Variants in DMC1 observed in about 807,000 individuals in gnomAD.
The protein encoded by DMC1 is DNA meiotic recombinase 1.
DMC1 carries 27 observed loss-of-function variants against 50.1 expected under a neutral mutation model. The observed-to-expected ratio is 0.54, with a 90% CI of 0.40 to 0.74. The LOEUF is 0.74. Ranked by LOEUF, DMC1 falls within the 30% of genes least tolerant of loss-of-function variation. The pLI is 0.00. For synonymous variants in DMC1, 148 were observed against 136.1 expected (o/e 1.09, Z -0.61); for missense variants, 295 against 420.2 (o/e 0.70, Z 2.60).
At chr22:38,557,258 C>T (rs1246142698) in intron 5 of DMC1, among the ~76,000 whole-genome samples, 2 of 152,106 alleles carry the variant, frequency 1.3e-5, no homozygotes, top group African/African-American at 4.8e-5. Flanking sequence ...CCAAAATTTA[C>T]CTGTGAGGAT....
rs1214649852 is a variant in DMC1 at position 38,552,655 on chromosome 22, T to C, written c.421+11A>G. 20 of 1,554,678 alleles carry C rather than the reference T, an allele frequency of 1.3e-5. No individual in the cohort carries two copies. The highest frequency in any genetic ancestry group is 1.8e-5 in the Non-Finnish European group (20 of 1,126,388). ...ATGATTATTATTGTTATTGTTGTTATATATCCTTACCACAGAGGGTATGAG... is the reference window on the plus strand; with the variant it reads ...ATGATTATTATTGTTATTGTTGTTACATATCCTTACCACAGAGGGTATGAG... On this transcript the variant is annotated intron_variant, in intron 7 of 13. Transcript: ENST00000216024.
chr22:38,537,629 T>C lies in DMC1; in HGVS notation c.799A>G (p.Thr267Ala). ...SEEYNVAVFV[T>A]NQMTADPGAT... is the part of the protein sequence containing the mutation. ...CCTGGATCGGCAGTCATTTGATTGG[T>C]CACAAAAACAGCCACGTTATATTCT... The change falls in exon 12 of 14, where the codon ACC becomes GCC. Residue 267 changes from threonine (T) to alanine (A), a missense_variant. By Grantham distance (58) the Thr-to-Ala change is moderately conservative. Coordinates refer to ENST00000216024, the MANE Select transcript of DMC1 (RefSeq NM_007068.4). 1 of 1,614,030 alleles carries C rather than the reference T, an allele frequency of 6.2e-7. No individual in the cohort carries two copies. The highest frequency in any genetic ancestry group is 8.5e-7 in the Non-Finnish European group (1 of 1,179,934).
chr22:38,509,420 T>C, the DMC1 span, among the ~76,000 whole-genome samples: 1 of 152,160 alleles, frequency 6.6e-6, no homozygotes, highest in African/African-American at 2.4e-5. Flanking sequence ...CTGCTCACGC[T>C]CAGATAATCT....
intron 13 of DMC1, among the ~76,000 whole-genome samples, 197 bp downstream of exon 13, chr22:38,521,411 C>T (rs1343416320): frequency 2.0e-5 from 3 of 151,890 alleles, no homozygotes; most frequent in Non-Finnish European, 4.4e-5. Context: ...CAGCATCTGG[C>T]AGTAATAATT....
chr22:38,552,978 G>T (rs1366118785), intron 6 of DMC1, among the ~76,000 whole-genome samples: 1 of 151,508 alleles, frequency 6.6e-6, no homozygotes, highest in African/African-American at 2.4e-5. Flanking sequence ...CTCCTGAGTA[G>T]CTGGGATTAC....
intron 12 of DMC1, among the ~76,000 whole-genome samples, chr22:38,532,433 T>C (rs1228086695): frequency 1.3e-5 from 2 of 151,492 alleles, no homozygotes; most frequent in Non-Finnish European, 2.9e-5. Context: ...ACGATTCTTC[T>C]GCCTCAGCCT....
intron 8 of DMC1, among the ~76,000 whole-genome samples, chr22:38,542,006 G>A (rs1420890750): frequency 1.4e-5 from 2 of 147,088 alleles, no homozygotes; most frequent in African/African-American, 5.2e-5. Context: ...AAAATTCAAC[G>A]TTCATTTATG....
At chr22:38,524,050 T>G (rs546859437) in intron 12 of DMC1, among the ~76,000 whole-genome samples, 1 of 152,310 alleles carries the variant, frequency 6.6e-6, no homozygotes, top group Non-Finnish European at 1.5e-5. Context: ...TCACCTTCAG[T>G]AGTCTCCTTA....
intron 7 of DMC1, among the ~76,000 whole-genome samples, chr22:38,550,260 C>T (rs1457650819): frequency 2.6e-5 from 4 of 151,982 alleles, no homozygotes; most frequent in South Asian, 2.1e-4. Flanking sequence ...TTAGTTCTCC[C>T]AAAGAATGGA....
rs2090525439 is a variant in DMC1, at chr22:38,561,316, T to C, written c.326+971A>G. ...ACCCACTGCACCCGGCCAGGTGATA[T>C]GTCTTTTAAATCTCTTTAATCTATA... On this transcript the variant is annotated intron_variant, in intron 5 of 13. Transcript: ENST00000216024. Among the ~76,000 whole-genome samples, 6 of 152,260 alleles carry C rather than the reference T, an allele frequency of 3.9e-5. No homozygotes were observed. The Middle Eastern group carries it at 0.017, about 432-fold the overall frequency.
Position 38,541,360 on chromosome 22 carries a change from C to T in DMC1, c.495-1948G>A, listed in dbSNP as rs186354927. ...AGGCTGGAGTCCAGTGGCACAATCT[C>T]GGCTCACTGCAACCTCTGCCTCCCT... On this transcript the variant is annotated intron_variant, in intron 8 of 13. Coordinates refer to ENST00000216024, the MANE Select transcript of DMC1 (RefSeq NM_007068.4). 2.1e-3 allele frequency among the ~76,000 whole-genome samples: 325 copies of T among 152,290 alleles called. 3 individuals carry two copies. Among genetic ancestry groups the T allele is most frequent in the South Asian group, 0.016 (76 of 4,824 alleles).
downstream of DMC1, among the ~76,000 whole-genome samples, chr22:38,515,226 G>A (rs1278680649): frequency 6.7e-6 from 1 of 150,314 alleles, no homozygotes; most frequent in Non-Finnish European, 1.5e-5. Context: ...GCCTGTAATC[G>A]CAGCACTTTG....
downstream of DMC1, among the ~76,000 whole-genome samples, chr22:38,515,164 C>G (rs1385697977): frequency 6.6e-6 from 1 of 150,454 alleles, no homozygotes; most frequent in Non-Finnish European, 1.5e-5. Flanking sequence ...CTGTGCCTAG[C>G]CTGAAGGCAA....
intron 13 of DMC1, 88 bp downstream of exon 13, chr22:38,521,520 A>G: frequency 1.1e-6 from 1 of 930,350 alleles, no homozygotes; most frequent in Non-Finnish European, 1.7e-6. Context: ...CTCGGGCAAC[A>G]TGGCAAAACC....
intron 9 of DMC1, among the ~76,000 whole-genome samples, chr22:38,538,903 G>C (rs12158060): frequency 0.025 from 3,755 of 152,124 alleles, 156 homozygotes; most frequent in African/African-American, 0.086. Flanking sequence ...GGGTGTGGTG[G>C]CGTGTGCCTG....
chr22:38,509,563 A>G, the DMC1 span, among the ~76,000 whole-genome samples: 5 of 152,162 alleles, frequency 3.3e-5, no homozygotes, highest in Admixed American at 1.3e-4. Context: ...CCATCAATGT[A>G]CATTGTCGGG....
At chr22:38,512,935 T>C in the DMC1 span, among the ~76,000 whole-genome samples, 1 of 151,926 alleles carries the variant, frequency 6.6e-6, no homozygotes. Flanking sequence ...AATACAAAAA[T>C]TAGCTGGGTG....
chr22:38,556,568 C>T (rs5757135), intron 5 of DMC1, among the ~76,000 whole-genome samples: 72,700 of 152,084 alleles, frequency 0.48, 19,635 homozygotes, highest in African/African-American at 0.75. Flanking sequence ...CTGTCAGATT[C>T]TGACAGCATA....
chr22:38,532,468 C>G (rs937524868), intron 12 of DMC1, among the ~76,000 whole-genome samples: 2 of 150,432 alleles, frequency 1.3e-5, no homozygotes, highest in African/African-American at 4.9e-5. Flanking sequence ...ATTACAGGCA[C>G]GCGCATTTAC....
Sources: gnomAD v4.1 joint callset for allele counts (sites outside exome capture counted in the v4.1 genomes callset) on GRCh38, gnomAD v4.1.1 for gene constraint, MANE v1.5 for transcripts, NCBI Gene and HGNC (gene_info 2026-07-23, HGNC 2026-07-21) for gene names.